The following CDH12 variants were observed in gnomAD, a reference collection of about 807,000 sequenced individuals.
CDH12 encodes the protein cadherin 12, also known as cadherin-12.
In CDH12, 41 loss-of-function variants were observed where a neutral mutation model predicts 74.1. The ratio of observed to expected loss-of-function variants is 0.55; its 90% CI spans 0.43 to 0.72. CDH12 has a LOEUF of 0.72. Among genes scored for constraint, CDH12 ranks in the 30% least tolerant of loss-of-function variants. CDH12 has a pLI of 0.00. For synonymous variants in CDH12, 399 were observed against 355.0 expected (o/e 1.12, Z -1.39); for missense variants, 945 against 977.2 (o/e 0.97, Z 0.44).
chr5:22,010,692 C>T (rs1330428434), intron 5 of CDH12, among the ~76,000 whole-genome samples: 1 of 152,138 alleles, frequency 6.6e-6, no homozygotes, highest in Admixed American at 6.5e-5. Context: ...ATTCATTATT[C>T]TCATTTGTGC....
chr5:21,883,243 A>G lies in CDH12; in HGVS notation c.527-28453T>C, dbSNP rs886809952. 3.0e-6 allele frequency: 4 copies of G among 1,351,782 alleles called. No homozygotes were observed. In the African/African-American group the frequency reaches 4.3e-5, roughly 15 times the overall value. 83.7% of individuals were successfully genotyped at this position (1,351,782 alleles called of 1,614,324 possible). A position where few individuals can be genotyped will look rare whatever the true frequency, so the allele number is the denominator to read the frequency against. ...GAATTAGAAATTATTGAAGGCATGA[A>G]GTTTGATTGAGGGTATATTTCTCCA... On this transcript the variant is annotated intron_variant, in intron 6 of 14. Coordinates refer to ENST00000382254, the MANE Select transcript of CDH12 (RefSeq NM_004061.5).
intron 1 of CDH12, among the ~76,000 whole-genome samples, chr5:22,845,535 C>T (rs1355893688): frequency 6.6e-6 from 1 of 152,042 alleles, no homozygotes; most frequent in Non-Finnish European, 1.5e-5. Flanking sequence ...ATAGGGCTTT[C>T]CTCATGGGGC....
chr5:22,189,034 G>C (rs890113132), intron 4 of CDH12, among the ~76,000 whole-genome samples: 2 of 152,082 alleles, frequency 1.3e-5, no homozygotes, highest in Non-Finnish European at 2.9e-5. Flanking sequence ...TAATTTTCTT[G>C]AAGTGTAATT....
At position 22,359,442 on chromosome 5, in the gene CDH12, G is replaced by T. The variant is rs557889411; in HGVS notation, c.-333+45815C>A. Among the ~76,000 whole-genome samples, 252 of 152,210 alleles carry T rather than the reference G, an allele frequency of 1.7e-3. 1 individual carries two copies. The highest frequency in any genetic ancestry group is 6.0e-3 in the African/African-American group (249 of 41,530). On this transcript the variant is annotated intron_variant, in intron 3 of 14. Coordinates refer to ENST00000382254, the MANE Select transcript of CDH12 (RefSeq NM_004061.5). Reference sequence around the variant, plus strand: ...CAGATTCAAAAAGCAAGTCCTTAGAGATCTACAAAGAGACTTAGACTCCCA... The same window carrying T: ...CAGATTCAAAAAGCAAGTCCTTAGATATCTACAAAGAGACTTAGACTCCCA...
chr5:21,775,360 G>A (rs541005695), intron 11 of CDH12, among the ~76,000 whole-genome samples: 1 of 152,326 alleles, frequency 6.6e-6, no homozygotes, highest in South Asian at 2.1e-4. Flanking sequence ...AGTTGGAGAA[G>A]TGAAATGCTT....
intron 1 of CDH12, among the ~76,000 whole-genome samples, chr5:22,708,258 T>TA (rs1271476672): frequency 6.6e-6 from 1 of 152,202 alleles, no homozygotes; most frequent in East Asian, 1.9e-4. Context: ...GTATTGGAGA[T>TA]ACAAAGTTCG....
chr5:22,840,067 C>A (rs1737014138), intron 1 of CDH12, among the ~76,000 whole-genome samples: 1 of 152,114 alleles, frequency 6.6e-6, no homozygotes, highest in Non-Finnish European at 1.5e-5. Context: ...CCATATTTTT[C>A]TTATTATAAG....
chr5:21,756,099 A>G (rs555894849), intron 13 of CDH12, among the ~76,000 whole-genome samples: 49 of 152,142 alleles, frequency 3.2e-4, no homozygotes, highest in Non-Finnish European at 4.7e-4. Flanking sequence ...TACAAGACAG[A>G]AAGTGTGTTA....
intron 2 of CDH12, among the ~76,000 whole-genome samples, chr5:22,449,456 T>C (rs1744956994): frequency 6.6e-6 from 1 of 152,022 alleles, no homozygotes; most frequent in African/African-American, 2.4e-5. Flanking sequence ...GGGAGTGCCA[T>C]ATCCATTTTA....
At chr5:22,070,363 A>G (rs1373405034) in intron 5 of CDH12, among the ~76,000 whole-genome samples, 1 of 152,150 alleles carries the variant, frequency 6.6e-6, no homozygotes, top group East Asian at 1.9e-4. Context: ...ACGGGTGCCA[A>G]GTTGACAAAG....
intron 1 of CDH12, among the ~76,000 whole-genome samples, chr5:22,809,861 T>C (rs1458035168): frequency 2.0e-5 from 3 of 152,094 alleles, no homozygotes; most frequent in Non-Finnish European, 4.4e-5. Context: ...ATCTACTAGT[T>C]CAAATGGTGT....
chr5:21,810,742 C>T (rs1747702460), intron 9 of CDH12, among the ~76,000 whole-genome samples: 2 of 151,490 alleles, frequency 1.3e-5, no homozygotes, highest in Non-Finnish European at 2.9e-5. Flanking sequence ...ATAGAAACAA[C>T]AGCATTCATG....
intron 11 of CDH12, among the ~76,000 whole-genome samples, chr5:21,772,556 G>T (rs754853458): frequency 6.6e-6 from 1 of 152,144 alleles, no homozygotes; most frequent in Non-Finnish European, 1.5e-5. Flanking sequence ...TTATAGGTGT[G>T]AGCCACCGTG....
chr5:22,301,088 T>A (rs1000083852), intron 3 of CDH12, among the ~76,000 whole-genome samples: 1 of 152,124 alleles, frequency 6.6e-6, no homozygotes, highest in Non-Finnish European at 1.5e-5. Context: ...TTTTATATAC[T>A]TTGTCCTTTA....
rs368836510 is a variant in CDH12, at chr5:22,671,764, G to A, written c.-522-166400C>T. Reference sequence around the variant, plus strand: ...AGATGCTGGGAAAGATAAGCCAACTGTGAACAAAGGGAACAGTGGAAAAGT... The same window carrying A: ...AGATGCTGGGAAAGATAAGCCAACTATGAACAAAGGGAACAGTGGAAAAGT... On this transcript the variant is annotated intron_variant, in intron 1 of 14. Coordinates refer to ENST00000382254, the MANE Select transcript of CDH12 (RefSeq NM_004061.5). Among the ~76,000 whole-genome samples the A allele has an allele frequency of 2.9e-4, 44 of 152,076 alleles. 1 individual carries two copies. The highest frequency in any genetic ancestry group is 1.0e-3 in the African/African-American group (42 of 41,514).
At chr5:22,028,915 T>A (rs556572904) in intron 5 of CDH12, among the ~76,000 whole-genome samples, 130 of 152,146 alleles carry the variant, frequency 8.5e-4, no homozygotes, top group Non-Finnish European at 1.6e-3. Flanking sequence ...AAAACAGAGA[T>A]ATAGATCAAT....
At chr5:22,460,790 G>T (rs571687584) in intron 2 of CDH12, among the ~76,000 whole-genome samples, 2 of 140,608 alleles carry the variant, frequency 1.4e-5, no homozygotes, top group Non-Finnish European at 3.0e-5. Flanking sequence ...GCACGATCTC[G>T]GCTCACTGCA....
chr5:22,478,475 A>C (rs965313425), intron 2 of CDH12, among the ~76,000 whole-genome samples: 4 of 152,036 alleles, frequency 2.6e-5, no homozygotes, highest in African/African-American at 9.7e-5. Flanking sequence ...AAAGAAAAGA[A>C]TGTAAAGCAA....
At chr5:21,769,735 T>A (rs1582959) in intron 11 of CDH12, among the ~76,000 whole-genome samples, 1 of 152,164 alleles carries the variant, frequency 6.6e-6, no homozygotes, top group South Asian at 2.1e-4. Flanking sequence ...AACTTATAGT[T>A]CTCATGCTAT....
Sources: allele counts gnomAD v4.1 joint callset (sites outside exome capture counted in the v4.1 genomes callset), GRCh38; gene constraint gnomAD v4.1.1; transcripts MANE v1.5; gene names NCBI Gene and HGNC (gene_info 2026-07-23, HGNC 2026-07-21).